The following PADI2 variants were observed in gnomAD, a reference collection of about 807,000 sequenced individuals.
The protein encoded by PADI2 is protein-arginine deiminase type-2.
PADI2 carries 70 observed loss-of-function variants against 81.1 expected under a neutral mutation model. That is an observed-to-expected ratio of 0.86 (90% CI 0.71 to 1.05). The LOEUF (loss-of-function observed/expected upper bound fraction) is 1.05, where lower values mean the gene tolerates loss of function less well. Ranked by LOEUF, PADI2 falls within the 50% of genes least tolerant of loss-of-function variation. PADI2 has a pLI of 0.00. For synonymous variants in PADI2, 338 were observed against 358.0 expected (o/e 0.94, Z 0.63); for missense variants, 853 against 889.9 (o/e 0.96, Z 0.53).
chr1:17,087,140 C>T (rs962487119), intron 6 of PADI2, among the ~76,000 whole-genome samples: 6 of 152,160 alleles, frequency 3.9e-5, no homozygotes, highest in Non-Finnish European at 5.9e-5. Context: ...TTCTGAATCC[C>T]GAGCTCTCAT....
rs1412008964 is a variant in PADI2 at position 17,119,273 on chromosome 1, G to A, written c.92+7C>T. ...CTCGGCCCGGGCATCACGGTGGGCC[G>A]GCTCACCTGTAGACATCGGTCCAGA... On this transcript the variant is annotated splice_region_variant and intron_variant, in intron 1 of 15. Coordinates refer to ENST00000375486, the MANE Select transcript of PADI2 (RefSeq NM_007365.3). This position sits in a 1 kb window ranked among gnomAD's most constrained non-coding sequence, Gnocchi z 4.8. 2 of 1,521,096 alleles carry A rather than the reference G, an allele frequency of 1.3e-6. No homozygotes were observed. Among genetic ancestry groups the A allele is most frequent in the Non-Finnish European group, 1.8e-6 (2 of 1,131,786 alleles). 94.2% of individuals were successfully genotyped at this position (1,521,096 alleles called of 1,614,324 possible). A position where few individuals can be genotyped will look rare whatever the true frequency, so the allele number is the denominator to read the frequency against.
chr1:17,092,571 T>C (rs11203298), intron 5 of PADI2, 38 bp from the exon 6 acceptor site: 904,868 of 1,508,584 alleles, frequency 0.6, 275,285 homozygotes, highest in Middle Eastern at 0.64. Context: ...GATCTATCTG[T>C]TGCTGGAGCC....
At chr1:17,081,123 C>T (rs1375879228) in intron 10 of PADI2, among the ~76,000 whole-genome samples, 1 of 152,204 alleles carries the variant, frequency 6.6e-6, no homozygotes, top group Non-Finnish European at 1.5e-5. Flanking sequence ...CCTGGAAAGG[C>T]CTCGCTTCTC....
intron 3 of PADI2, 105 bp downstream of exon 3, chr1:17,102,882 G>A (rs1450931172): frequency 2.0e-5 from 16 of 786,816 alleles, no homozygotes; most frequent in Non-Finnish European, 3.3e-5. Context: ...GAAGCTCCAA[G>A]TGCCAGGTCA....
In PADI2 at chr1:17,119,275, C is replaced by T; in HGVS notation, c.92+5G>A. On this transcript the variant is annotated splice_donor_5th_base_variant and intron_variant, in intron 1 of 15. Coordinates refer to ENST00000375486, the MANE Select transcript of PADI2 (RefSeq NM_007365.3). This position sits in a 1 kb window ranked among gnomAD's most constrained non-coding sequence, Gnocchi z 4.8. ...CGGCCCGGGCATCACGGTGGGCCGG[C>T]TCACCTGTAGACATCGGTCCAGAGG... The T allele has an allele frequency of 2.0e-6, 3 of 1,525,190 alleles. No individual in the cohort carries two copies. Among genetic ancestry groups the T allele is most frequent in the Non-Finnish European group, 2.6e-6 (3 of 1,134,782 alleles). 94.5% of individuals were successfully genotyped at this position (1,525,190 alleles called of 1,614,324 possible).
Position 17,104,933 on chromosome 1 carries a change from C to T in PADI2, c.221G>A (p.Ser74Asn), listed in dbSNP as rs766709630. The change falls in exon 2 of 16, where the codon AGC (serine) becomes AAC (asparagine). Residue 74 changes from serine to asparagine, a missense_variant. Physicochemically the swap from Ser to Asn is conservative, Grantham distance 46. Coordinates refer to ENST00000375486, the MANE Select transcript of PADI2 (RefSeq NM_007365.3). ...NGKQRWLLSP[S>N]TTLRVTMSQA... ...GCTCATGGTGACCCGCAGGGTGGTG[C>T]TGGGCGAGAGAAGCCAGCGCTGCTT... 3 of 1,605,180 alleles carry T rather than the reference C, an allele frequency of 1.9e-6. No individual in the cohort carries two copies. The African/African-American group carries it at 4.0e-5, about 21-fold the overall frequency.
intron 9 of PADI2, 41 bp downstream of exon 9, chr1:17,083,685 C>G (rs113237725): frequency 1.6e-6 from 2 of 1,268,924 alleles, no homozygotes; most frequent in Non-Finnish European, 2.3e-6. Flanking sequence ...TTGCTTGACC[C>G]GGGGGCCATG....
At position 17,119,291 on chromosome 1, in the gene PADI2, G is replaced by A. The variant is rs201815340; in HGVS notation, c.81C>T (p.Thr27=). Residue 27 remains threonine, a synonymous_variant, in exon 1 of 16, where the codon ACC becomes ACT. Coordinates refer to ENST00000375486, the MANE Select transcript of PADI2 (RefSeq NM_007365.3). The surrounding 1 kb of genome is among the most constrained non-coding windows in gnomAD (Gnocchi z 4.8). ...GTGGGCCGGCTCACCTGTAGACATC[G>A]GTCCAGAGGTAGGTGCCCAGCACGT... ...AVYVLGTYLW[T]DVYSAAPAGA... 2.1e-5 allele frequency: 33 copies of A among 1,548,110 alleles called. No homozygotes were observed. The East Asian group carries it at 8.2e-4, about 38-fold the overall frequency.
chr1:17,116,408 C>A (rs1931761278), intron 1 of PADI2, among the ~76,000 whole-genome samples: 1 of 152,168 alleles, frequency 6.6e-6, no homozygotes, highest in Admixed American at 6.5e-5. Context: ...GGGCCCAGCA[C>A]CCCCGGGCCT....
chr1:17,084,334 G>C (rs2078369593), intron 8 of PADI2, among the ~76,000 whole-genome samples: 1 of 152,352 alleles, frequency 6.6e-6, no homozygotes, highest in Middle Eastern at 3.4e-3. Context: ...TAACTGCCTG[G>C]TAGAGGGTTA....
intron 1 of PADI2, among the ~76,000 whole-genome samples, chr1:17,109,693 G>C (rs950595141): frequency 5.3e-5 from 8 of 152,022 alleles, no homozygotes; most frequent in African/African-American, 1.9e-4. Context: ...GTTGCACTGT[G>C]TTGGCCTGGC....
chr1:17,109,389 TA>T (rs566123530), intron 1 of PADI2, among the ~76,000 whole-genome samples: 553 of 50,034 alleles, frequency 0.011, 20 homozygotes, highest in African/African-American at 0.048. Flanking sequence ...CTCTGTCTAT[TA>T]AAAAAAAAAA....
At chr1:17,092,004 G>A (rs1930715305) in intron 6 of PADI2, among the ~76,000 whole-genome samples, 1 of 152,090 alleles carries the variant, frequency 6.6e-6, no homozygotes, top group African/African-American at 2.4e-5. Context: ...GAGGAGCAAG[G>A]GGTCAACTCT....
chr1:17,071,662 C>G (rs564568526), intron 13 of PADI2, among the ~76,000 whole-genome samples, 171 bp from the exon 14 acceptor site: 2 of 152,282 alleles, frequency 1.3e-5, no homozygotes, highest in Admixed American at 1.3e-4. Context: ...TCAGGCCCCC[C>G]TCTGTCTGGG....
chr1:17,118,343 G>GT lies in PADI2; in HGVS notation c.92+936dup, dbSNP rs139437803. On this transcript the variant is annotated intron_variant, in intron 1 of 15. Coordinates refer to ENST00000375486, the MANE Select transcript of PADI2 (RefSeq NM_007365.3). ...CCCCTCCAACCCTAGCAATGGGGAG[G>GT]TTTTAAATGCTTGGAATAGAGGGGG... Among the ~76,000 whole-genome samples, 751 of 152,214 alleles carry GT rather than the reference G, an allele frequency of 4.9e-3. 9 individuals are homozygous for GT. Among genetic ancestry groups the GT allele is most frequent in the African/African-American group, 0.017 (706 of 41,532 alleles).
In PADI2 at chr1:17,078,025, T is replaced by C. The variant is rs569526326; in HGVS notation, c.1310+1239A>G. Among the ~76,000 whole-genome samples the C allele has an allele frequency of 9.2e-5, 14 of 152,312 alleles. No homozygotes were observed. The East Asian group carries it at 1.4e-3, about 15-fold the overall frequency. On this transcript the variant is annotated intron_variant, in intron 11 of 15. Transcript: ENST00000375486. ...TAAGTATGGTAGCCCTGAGGATTCA[T>C]TGGTACGCTCCCACTCATACCTGTC...
Position 17,073,277 on chromosome 1 carries a change from C to T in PADI2, c.1549+1579G>A, listed in dbSNP as rs1204074953. Reference sequence around the variant, plus strand: ...CTAAAAATACAAAAAATTAGCCGGGCGTGGTGGCGGGCGCCTGTAATCCCA... The same window carrying T: ...CTAAAAATACAAAAAATTAGCCGGGTGTGGTGGCGGGCGCCTGTAATCCCA... On this transcript the variant is annotated intron_variant, in intron 13 of 15. Coordinates refer to ENST00000375486, the MANE Select transcript of PADI2 (RefSeq NM_007365.3). Among the ~76,000 whole-genome samples, 6 of 152,026 alleles carry T rather than the reference C, an allele frequency of 3.9e-5. No individual in the cohort carries two copies. The South Asian group carries it at 6.2e-4, about 16-fold the overall frequency.
At chr1:17,082,880 T>A in intron 9 of PADI2, 1 of 445,072 alleles carries the variant, frequency 2.2e-6, no homozygotes, top group Non-Finnish European at 4.0e-6. Flanking sequence ...GCCCCATTTT[T>A]TTTTTTTTGA....
At chr1:17,117,584 T>C (rs1931801105) in intron 1 of PADI2, among the ~76,000 whole-genome samples, 2 of 152,108 alleles carry the variant, frequency 1.3e-5, no homozygotes, top group African/African-American at 2.4e-5. Flanking sequence ...TGCCCCCTGC[T>C]AGAGGGAGGC....
Sources: gnomAD v4.1 joint callset for allele counts (sites outside exome capture counted in the v4.1 genomes callset) on GRCh38, gnomAD v4.1.1 for gene constraint, Gnocchi (gnomAD v3.1) non-coding constraint, MANE v1.5 for transcripts, NCBI Gene and HGNC (gene_info 2026-07-23, HGNC 2026-07-21) for gene names.